Variants in XPO7 observed in about 807,000 individuals in gnomAD.
XPO7 encodes exportin-7.
XPO7 carries 21 observed loss-of-function variants against 144.3 expected under a neutral mutation model. That is an observed-to-expected ratio of 0.15 (90% confidence interval 0.10 to 0.21). The LOEUF (loss-of-function observed/expected upper bound fraction) is 0.21, where lower values mean the gene tolerates loss of function less well. XPO7 is among the 10% of genes least tolerant of loss of function. The pLI is 1.00. For missense variants in XPO7, 808 were observed against 1,325.8 expected (o/e 0.61, Z 6.06); for synonymous variants, 580 against 499.6 (o/e 1.16, Z -2.15).
Position 21,967,147 on chromosome 8 carries a change from A to T in XPO7, c.165+144A>T, listed in dbSNP as rs973238492. 16 of 1,148,002 alleles carry T rather than the reference A, an allele frequency of 1.4e-5. No homozygotes were observed. The African/African-American group carries it at 2.5e-4, about 18-fold the overall frequency. The allele number at this position is 1,148,002 out of a possible 1,614,324, so 71.1% of individuals were successfully genotyped here. A position where few individuals can be genotyped will look rare whatever the true frequency, so the allele number is the denominator to read the frequency against. Reference sequence around the variant, plus strand: ...CTTATTTTCACTTTTAAGAAGTACCATACCTACCAGGTTGGCAAAACAGCC... The same window carrying T: ...CTTATTTTCACTTTTAAGAAGTACCTTACCTACCAGGTTGGCAAAACAGCC... On this transcript the variant is annotated intron_variant, in intron 2 of 27. Coordinates refer to ENST00000252512, the MANE Select transcript of XPO7 (RefSeq NM_015024.5).
intron 1 of XPO7, among the ~76,000 whole-genome samples, chr8:21,959,091 A>G (rs1488294706): frequency 1.3e-5 from 2 of 152,212 alleles, no homozygotes; most frequent in Non-Finnish European, 2.9e-5. Flanking sequence ...CCCTGAGCGA[A>G]TATGGATTTG....
At position 21,966,888 on chromosome 8, in the gene XPO7, AG is replaced by A. The variant is rs775682794; in HGVS notation, c.51del (p.Gln17HisfsTer28). 1 of 1,613,962 alleles carries A rather than the reference AG, an allele frequency of 6.2e-7. No homozygotes were observed. On this transcript the variant is annotated frameshift_variant, in exon 2 of 28. Transcript: ENST00000252512. LOFTEE classifies it high-confidence loss of function. The stretch of plus-strand genomic sequence containing the variant: ...GCCCAACTAGAGAATCTGTGCAAAC[AG>A]CTGTATGAAACCACAGACACAACCA... Reference protein sequence around the residue: ...SLAQLENLCKQLYETTDTTTR... With the variant: ...SLAQLENLCKXLYETTDTTTR...
At chr8:21,971,994 T>C (rs1319490889) in intron 5 of XPO7, 53 bp downstream of exon 5, 2 of 1,567,148 alleles carry the variant, frequency 1.3e-6, no homozygotes, top group Non-Finnish European at 8.8e-7. Flanking sequence ...TTTCTTAGTA[T>C]TGGTGTTTTC....
intron 13 of XPO7, among the ~76,000 whole-genome samples, chr8:21,986,005 A>C (rs773602367): frequency 6.6e-6 from 1 of 152,246 alleles, no homozygotes; most frequent in Non-Finnish European, 1.5e-5. Flanking sequence ...TCCCAAAATA[A>C]GTCTAAAAGG....
intron 1 of XPO7, among the ~76,000 whole-genome samples, chr8:21,935,147 T>C (rs1322783867): frequency 3.3e-5 from 5 of 152,184 alleles, no homozygotes; most frequent in Admixed American, 2.0e-4. Flanking sequence ...TGCTCTGGGT[T>C]TTAGTTCTAT....
intron 1 of XPO7, among the ~76,000 whole-genome samples, chr8:21,959,775 G>GAAGTGTCTTTTAAA (rs1351711944): frequency 6.6e-6 from 1 of 152,114 alleles, no homozygotes. Flanking sequence ...CTTAGAACTG[G>GAAGTGTCTTTTAAA]AAGTGTCTTT....
chr8:21,942,196 C>T (rs1299884741), intron 1 of XPO7, among the ~76,000 whole-genome samples: 1 of 152,122 alleles, frequency 6.6e-6, no homozygotes, highest in Non-Finnish European at 1.5e-5. Flanking sequence ...TGGTGCAGGA[C>T]TCTCAGGGGA....
intron 21 of XPO7, among the ~76,000 whole-genome samples, chr8:21,998,287 A>G (rs1813019502): frequency 6.6e-6 from 1 of 152,156 alleles, no homozygotes; most frequent in Admixed American, 6.5e-5. Flanking sequence ...TAAAAATACA[A>G]AAAATTAGCT....
chr8:21,949,717 T>TTTG (rs1338663252), intron 1 of XPO7, among the ~76,000 whole-genome samples: 4 of 63,304 alleles, frequency 6.3e-5, no homozygotes, highest in Non-Finnish European at 1.8e-4. Flanking sequence ...GGCCAGGCTG[T>TTTG]TTGTTGTTGT....
chr8:22,002,327 C>T (rs1813178342), intron 25 of XPO7, 55 bp downstream of exon 25: 2 of 1,572,674 alleles, frequency 1.3e-6, no homozygotes, highest in Non-Finnish European at 1.7e-6. Context: ...GAGGAAGGAC[C>T]TCTGCAAGAC....
At chr8:21,950,812 C>T (rs566821434) in intron 1 of XPO7, among the ~76,000 whole-genome samples, 269 of 151,654 alleles carry the variant, frequency 1.8e-3, no homozygotes, top group African/African-American at 5.9e-3. Context: ...TATATTCTAC[C>T]GTAAATTTAT....
intron 25 of XPO7, 72 bp from the exon 26 acceptor site, chr8:22,003,147 T>C: frequency 8.2e-7 from 1 of 1,217,832 alleles, no homozygotes; most frequent in Non-Finnish European, 1.2e-6. Context: ...ACTCCTGTAT[T>C]TGGAATCTGT....
intron 1 of XPO7, chr8:21,966,397 A>G (rs969242479): frequency 8.1e-6 from 6 of 738,876 alleles, no homozygotes; most frequent in African/African-American, 1.7e-5. Flanking sequence ...TTGTAAGCTA[A>G]TAACTACTAC....
chr8:21,978,920 G>A (rs1033955208), intron 8 of XPO7, among the ~76,000 whole-genome samples: 1 of 152,226 alleles, frequency 6.6e-6, no homozygotes, highest in African/African-American at 2.4e-5. Context: ...GAGCTTGGCT[G>A]CTCTCCTCAA....
chr8:21,995,842 T>A (rs1410898399), intron 21 of XPO7, among the ~76,000 whole-genome samples: 1 of 152,080 alleles, frequency 6.6e-6, no homozygotes, highest in African/African-American at 2.4e-5. Flanking sequence ...TTTGAGGCGG[T>A]GTCTTGCTGT....
intron 1 of XPO7, among the ~76,000 whole-genome samples, chr8:21,946,204 G>T (rs1811182712): frequency 6.6e-6 from 1 of 152,018 alleles, no homozygotes; most frequent in Non-Finnish European, 1.5e-5. Context: ...ATCCTCCCAC[G>T]CTCACACTTC....
At chr8:21,939,007 C>G (rs752888019) in intron 1 of XPO7, among the ~76,000 whole-genome samples, 1 of 152,014 alleles carries the variant, frequency 6.6e-6, no homozygotes, top group African/African-American at 2.4e-5. Context: ...TTGGTAACAA[C>G]AAGATTTTAT....
At chr8:21,955,830 G>A (rs1811518945) in intron 1 of XPO7, among the ~76,000 whole-genome samples, 1 of 141,588 alleles carries the variant, frequency 7.1e-6, no homozygotes, top group South Asian at 2.3e-4. Context: ...CTGGGTTTAT[G>A]TGATTCTCCT....
At chr8:21,929,833 A>G (rs780573797) in intron 1 of XPO7, among the ~76,000 whole-genome samples, 12 of 152,134 alleles carry the variant, frequency 7.9e-5, no homozygotes, top group Non-Finnish European at 1.0e-4. Context: ...AACTGACTCT[A>G]AAGAGTGAAG....
Sources: gnomAD v4.1 joint callset for allele counts (sites outside exome capture counted in the v4.1 genomes callset) on GRCh38, gnomAD v4.1.1 for gene constraint, MANE v1.5 for transcripts, NCBI Gene and HGNC (gene_info 2026-07-23, HGNC 2026-07-21) for gene names.